The following PCDHA10 variants were observed in gnomAD, a reference collection of about 807,000 sequenced individuals.
PCDHA10 encodes the protein protocadherin alpha-10.
A neutral mutation model predicts 61.2 loss-of-function variants in PCDHA10; 45 were observed. The ratio of observed to expected loss-of-function variants is 0.74; its 90% CI spans 0.58 to 0.94. The LOEUF is 0.94. Among genes scored for constraint, PCDHA10 ranks in the 40% least tolerant of loss-of-function variants. PCDHA10 has a pLI of 0.00. For missense variants in PCDHA10, 1,278 were observed against 1,236.2 expected (o/e 1.03, Z -0.51); for synonymous variants, 602 against 548.8 (o/e 1.10, Z -1.35).
intron 1 of PCDHA10, among the ~76,000 whole-genome samples, chr5:140,960,125 G>A (rs2153724181): frequency 6.6e-6 from 1 of 152,336 alleles, no homozygotes; most frequent in East Asian, 1.9e-4. Context: ...TATTCCTTAT[G>A]AAATACTTAG....
intron 1 of PCDHA10, chr5:140,871,033 C>T (rs201299652): frequency 1.2e-6 from 2 of 1,613,234 alleles, no homozygotes; most frequent in East Asian, 2.2e-5. Context: ...CTCGCCGCGC[C>T]ACCGACTTCT....
At chr5:140,929,349 A>G in intron 1 of PCDHA10, 1 of 1,530,382 alleles carries the variant, frequency 6.5e-7, no homozygotes, top group Non-Finnish European at 8.8e-7. Context: ...ATGGAATTTG[A>G]TTCCTTTGGC....
At chr5:140,951,487 G>A (rs1563250651) in intron 1 of PCDHA10, among the ~76,000 whole-genome samples, 1 of 151,938 alleles carries the variant, frequency 6.6e-6, no homozygotes, top group Non-Finnish European at 1.5e-5. Flanking sequence ...CAAGAATCAT[G>A]GTGGAAGGCA....
At chr5:140,901,909 C>T (rs2068974930) in intron 1 of PCDHA10, among the ~76,000 whole-genome samples, 1 of 151,454 alleles carries the variant, frequency 6.6e-6, no homozygotes, top group African/African-American at 2.4e-5. Context: ...TTGTGGAGAT[C>T]TTTCACTTCT....
rs554030052 is a variant in PCDHA10 at position 140,856,707 on chromosome 5, A to C, written c.659A>C (p.Glu220Ala). The C allele has an allele frequency of 4.6e-4, 729 of 1,596,628 alleles. 58 individuals carry two copies. The South Asian group carries it at 7.4e-3, about 16-fold the overall frequency. ...LLTATDGGKP[E>A]FTGSVSLLIL... is the part of the protein sequence containing the mutation. ...ACAGCAACTGATGGAGGCAAACCTGAATTTACCGGATCTGTTTCTCTGCTG... is the reference window on the plus strand; with the variant it reads ...ACAGCAACTGATGGAGGCAAACCTGCATTTACCGGATCTGTTTCTCTGCTG... The change falls in exon 1 of 4, where the codon GAA becomes GCA. Residue 220 changes from glutamate (E) to alanine (A), a missense_variant. Physicochemically the swap from Glu to Ala is moderately radical, Grantham distance 107. Coordinates refer to ENST00000307360, the MANE Select transcript of PCDHA10 (RefSeq NM_018901.4).
chr5:140,870,734 T>A (rs782055886), intron 1 of PCDHA10: 1 of 1,613,458 alleles, frequency 6.2e-7, no homozygotes. Flanking sequence ...GTGCCGCCTC[T>A]GAGCAGCAAC....
chr5:140,926,852 T>C, intron 1 of PCDHA10: 2 of 1,517,714 alleles, frequency 1.3e-6, no homozygotes, highest in Non-Finnish European at 1.8e-6. Flanking sequence ...GGGTCACCGT[T>C]GGTGTAGCGT....
intron 1 of PCDHA10, among the ~76,000 whole-genome samples, chr5:140,943,121 G>A (rs1225385839): frequency 3.3e-5 from 5 of 151,916 alleles, no homozygotes; most frequent in African/African-American, 4.8e-5. Flanking sequence ...AGCCAGGTGT[G>A]GTAGTGGGTG....
At chr5:140,994,433 T>G (rs2097622592) in intron 3 of PCDHA10, among the ~76,000 whole-genome samples, 1 of 152,204 alleles carries the variant, frequency 6.6e-6, no homozygotes, top group African/African-American at 2.4e-5. Flanking sequence ...CCGGGCGCAG[T>G]GGCTCACACC....
At chr5:140,984,433 T>C (rs2097103477) in intron 3 of PCDHA10, among the ~76,000 whole-genome samples, 1 of 152,182 alleles carries the variant, frequency 6.6e-6, no homozygotes, top group East Asian at 1.9e-4. Flanking sequence ...GAAGGGGATC[T>C]CCCTTGTTCC....
intron 1 of PCDHA10, chr5:140,882,984 C>T (rs2059393576): frequency 2.5e-6 from 4 of 1,614,178 alleles, no homozygotes; most frequent in Non-Finnish European, 2.5e-6. Flanking sequence ...AATGACAACG[C>T]CCCGGAATTT....
chr5:140,868,172 ATC>A (rs1554161787), intron 1 of PCDHA10: 1 of 152,152 alleles, frequency 6.6e-6, no homozygotes. Context: ...AAATTTTGAT[ATC>A]TCATATTATG....
chr5:140,883,508 G>C (rs939760233), intron 1 of PCDHA10: 19 of 1,614,202 alleles, frequency 1.2e-5, no homozygotes, highest in Non-Finnish European at 1.5e-5. Flanking sequence ...CAGCGCCCTG[G>C]ACCGCGAGAG....
At chr5:140,894,184 A>T (rs1411546476) in intron 1 of PCDHA10, among the ~76,000 whole-genome samples, 13 of 152,046 alleles carry the variant, frequency 8.6e-5, no homozygotes, top group African/African-American at 3.1e-4. Context: ...TTCCATAGTT[A>T]TATATTTTTT....
chr5:140,990,280 G>C (rs1224210562), intron 3 of PCDHA10, among the ~76,000 whole-genome samples: 1 of 152,264 alleles, frequency 6.6e-6, no homozygotes, highest in African/African-American at 2.4e-5. Context: ...CCCGGGTCTT[G>C]AGATTATCGA....
intron 1 of PCDHA10, among the ~76,000 whole-genome samples, chr5:140,964,144 C>A (rs970079716): frequency 6.6e-6 from 1 of 152,138 alleles, no homozygotes; most frequent in African/African-American, 2.4e-5. Context: ...TTGGCAGGAG[C>A]CTCAGTATAA....
intron 1 of PCDHA10, among the ~76,000 whole-genome samples, chr5:140,880,283 A>G (rs1308508886): frequency 3.3e-5 from 5 of 152,250 alleles, no homozygotes; most frequent in African/African-American, 9.6e-5. Flanking sequence ...AAGTTTGACT[A>G]TCTTCATAGT....
At chr5:140,931,751 A>G (rs1393748704) in intron 1 of PCDHA10, among the ~76,000 whole-genome samples, 2 of 151,952 alleles carry the variant, frequency 1.3e-5, no homozygotes, top group African/African-American at 4.8e-5. Context: ...TCACAAAGGC[A>G]TTTGTTATTT....
At position 140,928,256 on chromosome 5, in the gene PCDHA10, CT is replaced by C. The variant is rs1563103175; in HGVS notation, c.2389-50692del. 2.5e-6 allele frequency: 4 copies of C among 1,614,234 alleles called. No homozygotes were observed. The Admixed American group carries it at 6.7e-5, about 27-fold the overall frequency. On this transcript the variant is annotated intron_variant, in intron 1 of 3. Transcript: ENST00000307360. ...CAACCCCAGCAGGAACTTTTCGTTG[CT>C]GAAAACAATGGCCCTGGGGCCTCTC... is the stretch of plus-strand genomic sequence containing the variant.
Sources: allele counts gnomAD v4.1 joint callset (sites outside exome capture counted in the v4.1 genomes callset), GRCh38; gene constraint gnomAD v4.1.1; transcripts MANE v1.5; gene names NCBI Gene and HGNC (gene_info 2026-07-23, HGNC 2026-07-21).